Variants in ADAM19 observed in about 807,000 individuals in gnomAD.
ADAM19 encodes disintegrin and metalloproteinase domain-containing protein 19.
Under a neutral mutation model 114.7 loss-of-function variants are expected in ADAM19, and 65 were observed. That is an observed-to-expected ratio of 0.57 (90% CI 0.46 to 0.70). The LOEUF is 0.70. Ranked by LOEUF, ADAM19 falls within the 30% of genes least tolerant of loss-of-function variation. The probability of loss-of-function intolerance (pLI) is 0.00; values close to 1 mark genes in which losing one functional copy is unlikely to be tolerated. For synonymous variants in ADAM19, 466 were observed against 460.5 expected, an observed-to-expected ratio of 1.01 and a Z score of -0.15; for missense variants, 1,063 against 1,204.7, an observed-to-expected ratio of 0.88 and a Z score of 1.74.
intron 3 of ADAM19, among the ~76,000 whole-genome samples, chr5:157,557,374 G>A (rs1314248903): frequency 6.6e-6 from 1 of 152,188 alleles, no homozygotes; most frequent in African/African-American, 2.4e-5. Context: ...AGGCTTGTGT[G>A]CACAAGGCTT....
At chr5:157,511,639 GA>G (rs1207258203) in intron 8 of ADAM19, among the ~76,000 whole-genome samples, 2 of 152,204 alleles carry the variant, frequency 1.3e-5, no homozygotes, top group Admixed American at 6.5e-5. Flanking sequence ...GCTTTTGAAG[GA>G]AGTAAACTTG....
At chr5:157,534,234 G>A (rs1230060305) in intron 4 of ADAM19, among the ~76,000 whole-genome samples, 1 of 152,070 alleles carries the variant, frequency 6.6e-6, no homozygotes, top group Non-Finnish European at 1.5e-5. Context: ...TTGGGAGGCC[G>A]AGGCAGGCAA....
chr5:157,497,489 T>C (rs548340480), intron 13 of ADAM19, among the ~76,000 whole-genome samples: 196 of 152,210 alleles, frequency 1.3e-3, no homozygotes, highest in Middle Eastern at 6.8e-3. Flanking sequence ...CTTCTGCAGA[T>C]GATAAAATCT....
In ADAM19 at chr5:157,477,978, T is replaced by C; in HGVS notation, c.*2971A>G. 1 of 286,200 alleles carries C rather than the reference T, an allele frequency of 3.5e-6. No individual in the cohort carries two copies. Among genetic ancestry groups the C allele is most frequent in the South Asian group, 3.3e-5 (1 of 30,248 alleles). 17.7% of individuals were successfully genotyped at this position (286,200 alleles called of 1,614,324 possible). A position where few individuals can be genotyped will look rare whatever the true frequency, so the allele number is the denominator to read the frequency against. On this transcript the variant is annotated 3_prime_UTR_variant, in exon 23 of 23. Coordinates refer to ENST00000257527, the MANE Select transcript of ADAM19 (RefSeq NM_033274.5). ...GAAGTCAGCAAGGCTGAAAGGAATC[T>C]ATGGCTAGCAGGCAGTTACAAGATT...
At chr5:157,542,951 C>A (rs1377293329) in intron 3 of ADAM19, among the ~76,000 whole-genome samples, 2 of 152,142 alleles carry the variant, frequency 1.3e-5, no homozygotes. Context: ...TTGTTCCACT[C>A]TGTAAAATCA....
intron 7 of ADAM19, among the ~76,000 whole-genome samples, chr5:157,517,781 G>A (rs1249158505): frequency 2.0e-5 from 3 of 152,166 alleles, no homozygotes; most frequent in Admixed American, 6.5e-5. Context: ...AGCCAGGTGA[G>A]GGTTCCTCAA....
In ADAM19 at chr5:157,496,962, C is replaced by T. The variant is rs1338135514; in HGVS notation, c.1526G>A (p.Gly509Asp). The T allele has an allele frequency of 6.3e-7, 1 of 1,597,884 alleles. No homozygotes were observed. Among genetic ancestry groups the T allele is most frequent in the Non-Finnish European group, 8.5e-7 (1 of 1,173,192 alleles). ...YQMDGTPCEGGQAYCYNGMCL... is the reference protein window; with the variant it reads ...YQMDGTPCEGDQAYCYNGMCL... Reference sequence around the variant, plus strand: ...CATGCCGTTGTAGCAGTAGGCCTGGCCGCCCTCACAGGGGGTACCATCCAT... The same window carrying T: ...CATGCCGTTGTAGCAGTAGGCCTGGTCGCCCTCACAGGGGGTACCATCCAT... Residue 509 changes from glycine (G) to aspartate (D), a missense_variant, in exon 14 of 23, where the codon GGC becomes GAC. Physicochemically the swap from Gly to Asp is moderately conservative, Grantham distance 94. This residue lies in a region of ADAM19 where 615 missense variants were observed against 706.3 expected (regional missense o/e 0.87). Transcript: ENST00000257527.
At chr5:157,508,604 GAA>G (rs774011862) in intron 9 of ADAM19, among the ~76,000 whole-genome samples, 3 of 129,728 alleles carry the variant, frequency 2.3e-5, no homozygotes, top group Non-Finnish European at 3.4e-5. Context: ...TCTCAAAAAA[GAA>G]AAAAAAAAAA....
Position 157,480,725 on chromosome 5 carries a change from CACAAA to C in ADAM19, c.*219_*223del, listed in dbSNP as rs1561836778. ...CCTCCCTACCTGGGGCTGTATATTGCACAAAACAACACCTAGAGGCCATCAGATCA... is the reference window on the plus strand; with the variant it reads ...CCTCCCTACCTGGGGCTGTATATTGCACAACACCTAGAGGCCATCAGATCA... On this transcript the variant is annotated 3_prime_UTR_variant, in exon 23 of 23. Coordinates refer to ENST00000257527, the MANE Select transcript of ADAM19 (RefSeq NM_033274.5). 2.2e-6 allele frequency: 3 copies of C among 1,391,006 alleles called. No homozygotes were observed. Among genetic ancestry groups the C allele is most frequent in the Non-Finnish European group, 2.8e-6 (3 of 1,073,616 alleles). The allele number at this position is 1,391,006 out of a possible 1,614,324, so 86.2% of individuals were successfully genotyped here.
At chr5:157,491,541 G>A (rs1755156247) in intron 18 of ADAM19, 74 bp downstream of exon 18, 1 of 1,086,364 alleles carries the variant, frequency 9.2e-7, no homozygotes, top group Non-Finnish European at 1.3e-6. Context: ...TGGATGCTCT[G>A]CAACATGCCA....
intron 14 of ADAM19, 136 bp downstream of exon 14, chr5:157,496,758 C>T (rs1253288466): frequency 2.8e-6 from 2 of 712,320 alleles, no homozygotes; most frequent in African/African-American, 3.8e-5. Context: ...AACATCTACC[C>T]TGAGTCAAGG....
Position 157,486,332 on chromosome 5 carries a change from C to T in ADAM19, c.2550+1933G>A, listed in dbSNP as rs1754929413. Among the ~76,000 whole-genome samples the T allele has an allele frequency of 6.6e-5, 10 of 152,296 alleles. No individual in the cohort carries two copies. In the South Asian group the frequency reaches 2.1e-3, roughly 32 times the overall value. ...GCAGCCCAATGTCATCACAGCAGCC[C>T]CCACTCAGAGCAGCTGCCTCCCACT... On this transcript the variant is annotated intron_variant, in intron 21 of 22. Transcript: ENST00000257527.
At chr5:157,509,247 G>A in intron 9 of ADAM19, 54 bp downstream of exon 9, 1 of 1,520,070 alleles carries the variant, frequency 6.6e-7, no homozygotes, top group Non-Finnish European at 8.9e-7. Context: ...TGTGCTGGGT[G>A]GGCAGAGGCT....
In ADAM19 at chr5:157,478,679, C is replaced by T. The variant is rs1754665132; in HGVS notation, c.*2270G>A. 6 of 985,658 alleles carry T rather than the reference C, an allele frequency of 6.1e-6. No homozygotes were observed. The highest frequency in any genetic ancestry group is 7.2e-6 in the Non-Finnish European group (6 of 829,944). The allele number at this position is 985,658 out of a possible 1,614,324, so 61.1% of individuals were successfully genotyped here. On this transcript the variant is annotated 3_prime_UTR_variant, in exon 23 of 23. Transcript: ENST00000257527. ...GTGAAGCATTAGTAGAACTGGTTGC[C>T]GAAAGTCTATCAAATTCCAAAACAT...
Position 157,502,909 on chromosome 5 carries a change from C to T in ADAM19, c.1202G>A (p.Gly401Glu). Residue 401 changes from glycine to glutamate, a missense_variant, in exon 12 of 23, where the codon GGA (glycine) becomes GAA (glutamate). This residue lies in a region of ADAM19 where 615 missense variants were observed against 706.3 expected (regional missense o/e 0.87). Transcript: ENST00000257527. ...ELDRYLQSGG[G>E]MCLSNMPDTR... ...GTCTGGCATGTTGGAGAGACACATT[C>T]CACCACCTGACTGCAGATACCTGTC... The T allele has an allele frequency of 6.2e-7, 1 of 1,614,186 alleles. No homozygotes were observed. The highest frequency in any genetic ancestry group is 8.5e-7 in the Non-Finnish European group (1 of 1,180,032).
At position 157,479,797 on chromosome 5, in the gene ADAM19, G is replaced by A; in HGVS notation, c.*1152C>T. On this transcript the variant is annotated 3_prime_UTR_variant, in exon 23 of 23. Coordinates refer to ENST00000257527, the MANE Select transcript of ADAM19 (RefSeq NM_033274.5). Reference sequence around the variant, plus strand: ...AATGGGTCTGTTCTCTGCTCAGAGGGCAACGGTCCAGCCCGAAGTCAATGA... The same window carrying A: ...AATGGGTCTGTTCTCTGCTCAGAGGACAACGGTCCAGCCCGAAGTCAATGA... 1.0e-6 allele frequency: 1 copy of A among 985,588 alleles called. No homozygotes were observed. The highest frequency in any genetic ancestry group is 1.2e-6 in the Non-Finnish European group (1 of 830,018). The allele number at this position is 985,588 out of a possible 1,614,324, so 61.1% of individuals were successfully genotyped here.
At position 157,527,111 on chromosome 5, in the gene ADAM19, C is replaced by A. The variant is rs375764306; in HGVS notation, c.407+3696G>T. Among the ~76,000 whole-genome samples, 133 of 152,222 alleles carry A rather than the reference C, an allele frequency of 8.7e-4. 3 individuals are homozygous for A. In the East Asian group the frequency reaches 0.017, roughly 20 times the overall value. ...TCACAGTTCTGCATGGCTGGGAGGC[C>A]TCAGGAAACTTACAGTCATGGTGGA... On this transcript the variant is annotated intron_variant, in intron 5 of 22. Transcript: ENST00000257527.
Position 157,478,575 on chromosome 5 carries a change from C to T in ADAM19, c.*2374G>A. ...ATTTGTATTTGACACCTCAAAACAG[C>T]ATACTGGGCACTGGAAAGAAAAGGG... is the stretch of plus-strand genomic sequence containing the variant. On this transcript the variant is annotated 3_prime_UTR_variant, in exon 23 of 23. Transcript: ENST00000257527. 2 of 985,666 alleles carry T rather than the reference C, an allele frequency of 2.0e-6. No individual in the cohort carries two copies. The highest frequency in any genetic ancestry group is 4.7e-5 in the South Asian group (1 of 21,276). 61.1% of individuals were successfully genotyped at this position (985,666 alleles called of 1,614,324 possible). A position where few individuals can be genotyped will look rare whatever the true frequency, so the allele number is the denominator to read the frequency against.
chr5:157,511,036 C>G (rs1470949110), intron 8 of ADAM19, among the ~76,000 whole-genome samples: 4 of 152,180 alleles, frequency 2.6e-5, no homozygotes, highest in Non-Finnish European at 4.4e-5. Context: ...TCGACCTCCT[C>G]GAGGCTAGAG....
Sources: allele counts gnomAD v4.1 joint callset (sites outside exome capture counted in the v4.1 genomes callset), GRCh38; gene constraint gnomAD v4.1.1; regional missense constraint gnomAD v4.1.1; transcripts MANE v1.5; gene names NCBI Gene and HGNC (gene_info 2026-07-23, HGNC 2026-07-21).